VWF: variants seen among roughly 807,000 people sequenced by gnomAD.
The protein encoded by VWF is Factor VIII related antigen.
Under a neutral mutation model 308.6 loss-of-function variants are expected in VWF, and 176 were observed. The ratio of observed to expected loss-of-function variants is 0.57; its 90% CI spans 0.50 to 0.65. The LOEUF is 0.65. Ranked by LOEUF, VWF falls within the 30% of genes least tolerant of loss-of-function variation. The pLI is 0.00. For missense variants in VWF, 3,146 were observed against 3,648.2 expected (o/e 0.86, Z 3.55); for synonymous variants, 1,385 against 1,443.4 (o/e 0.96, Z 0.92).
chr12:5,982,027 C>A (rs1410963089), intron 41 of VWF, 36 bp from the exon 42 acceptor site: 2 of 1,597,738 alleles, frequency 1.3e-6, no homozygotes, highest in Admixed American at 1.7e-5. Flanking sequence ...AGCACTGCGC[C>A]CAGCCAGGGC....
chr12:6,053,879 G>A (rs56249131), intron 15 of VWF, among the ~76,000 whole-genome samples: 34,129 of 152,198 alleles, frequency 0.22, 4,121 homozygotes, highest in Non-Finnish European at 0.25. Context: ...AGGAAGGAGT[G>A]TTCCAGAGAA....
At chr12:5,963,954 T>A (rs1055798916) in intron 47 of VWF, among the ~76,000 whole-genome samples, 2 of 152,140 alleles carry the variant, frequency 1.3e-5, no homozygotes, top group African/African-American at 2.4e-5. Flanking sequence ...ACGCCTGTAA[T>A]CCCAGCACTT....
intron 10 of VWF, among the ~76,000 whole-genome samples, chr12:6,068,027 C>T (rs894891013): frequency 2.7e-5 from 4 of 150,036 alleles, no homozygotes; most frequent in Non-Finnish European, 4.4e-5. Flanking sequence ...CCCAGCTACT[C>T]GGGAGGCTGA....
At chr12:5,966,787 C>G (rs1241320638) in intron 47 of VWF, among the ~76,000 whole-genome samples, 1 of 152,206 alleles carries the variant, frequency 6.6e-6, no homozygotes, top group Non-Finnish European at 1.5e-5. Flanking sequence ...ACAGCAGAAG[C>G]CCCACATCCA....
chr12:6,022,083 C>A, intron 26 of VWF, 48 bp from the exon 27 acceptor site: 1 of 1,613,022 alleles, frequency 6.2e-7, no homozygotes, highest in Non-Finnish European at 8.5e-7. Context: ...CCCTTTCCCA[C>A]GAGGAAGCCT....
intron 38 of VWF, among the ~76,000 whole-genome samples, chr12:5,991,167 T>TCACA (rs201361783): frequency 0.072 from 9,769 of 134,848 alleles, 364 homozygotes; most frequent in African/African-American, 0.082. Flanking sequence ...CAAGGGATTC[T>TCACA]CACACACACA....
At chr12:6,123,699 A>T (rs1266706693) in intron 1 of VWF, among the ~76,000 whole-genome samples, 2 of 152,198 alleles carry the variant, frequency 1.3e-5, no homozygotes, top group African/African-American at 4.8e-5. Context: ...CCTTCACAAG[A>T]GCAAAGGCTG....
rs377151690 is a variant in VWF at position 6,044,336 on chromosome 12, G to A, written c.2397C>T (p.Cys799=). The A allele has an allele frequency of 6.2e-7, 1 of 1,614,200 alleles. No individual in the cohort carries two copies. Among genetic ancestry groups the A allele is most frequent in the East Asian group, 2.2e-5 (1 of 44,888 alleles). Residue 799 remains cysteine (C), a synonymous_variant, in exon 18 of 52, where the codon TGC becomes TGT. Transcript: ENST00000261405. ...TKTCQNYDLE[C]MSMGCVSGCL... ...AGCCAGAGACACAGCCCATGCTCAT[G>A]CACTCCAGGTCATAGTTCTGGCACG...
chr12:6,121,294 G>A lies in VWF; in HGVS notation c.100C>T (p.Arg34Ter), dbSNP rs61753984. The A allele has an allele frequency of 7.4e-6, 12 of 1,614,210 alleles. No individual in the cohort carries two copies. Among genetic ancestry groups the A allele is most frequent in the East Asian group, 2.2e-5 (1 of 44,882 alleles). ...EGTRGRSSTARCSLFGSDFVN... is the reference protein window; with the variant it reads ...EGTRGRSSTA The stretch of plus-strand genomic sequence containing the variant: ...AAGTCACTTCCGAAAAGGCTGCATC[G>A]GGCCGTGGATGACCTGCCGCGAGTT... Residue 34 changes from arginine (R) to a stop codon, truncating the protein, a stop_gained, in exon 3 of 52, where the codon CGA becomes TGA. Coordinates refer to ENST00000261405, the MANE Select transcript of VWF (RefSeq NM_000552.5). LOFTEE classifies it high-confidence loss of function.
In VWF at chr12:6,078,040, TATC is replaced by T. The variant is rs141890617; in HGVS notation, c.658-2492_658-2490del. Among the ~76,000 whole-genome samples the T allele has an allele frequency of 5.0e-3, 761 of 152,138 alleles. 8 individuals carry two copies. The highest frequency in any genetic ancestry group is 0.017 in the African/African-American group (703 of 41,488). Reference sequence around the variant, plus strand: ...ACTTACCTTAATAAATGATGACCCCTATCATCATCATCATCATCTTCATCATCT... The same window carrying T: ...ACTTACCTTAATAAATGATGACCCCTATCATCATCATCATCTTCATCATCT... On this transcript the variant is annotated intron_variant, in intron 6 of 51. Coordinates refer to ENST00000261405, the MANE Select transcript of VWF (RefSeq NM_000552.5).
rs913481743 is a variant in VWF at position 6,019,819 on chromosome 12, G to C, written c.3675-76C>G. On this transcript the variant is annotated intron_variant, in intron 27 of 51. Transcript: ENST00000261405. This position sits in a 1 kb window ranked among gnomAD's most constrained non-coding sequence, Gnocchi z 5.8. ...ACTTCTGAGCCCTACAGTGTACAATGACTTCCATATTCCCACAGAATCTCC... is the reference window on the plus strand; with the variant it reads ...ACTTCTGAGCCCTACAGTGTACAATCACTTCCATATTCCCACAGAATCTCC... 20 of 1,449,250 alleles carry C rather than the reference G, an allele frequency of 1.4e-5. No homozygotes were observed. The highest frequency in any genetic ancestry group is 1.8e-5 in the Non-Finnish European group (19 of 1,065,320). 89.8% of individuals were successfully genotyped at this position (1,449,250 alleles called of 1,614,324 possible).
chr12:5,983,434 G>GATAGATAGATAA (rs1943632548), intron 40 of VWF, among the ~76,000 whole-genome samples, 180 bp from the exon 41 acceptor site: 1 of 151,978 alleles, frequency 6.6e-6, no homozygotes, highest in Non-Finnish European at 1.5e-5. Context: ...TAGATAGATA[G>GATAGATAGATAA]AATGATAACT....
At chr12:5,979,710 A>C (rs1366454564) in intron 42 of VWF, among the ~76,000 whole-genome samples, 1 of 149,142 alleles carries the variant, frequency 6.7e-6, no homozygotes, top group African/African-American at 2.5e-5. Context: ...AGATCGTGCC[A>C]CTGCACTCCA....
intron 3 of VWF, among the ~76,000 whole-genome samples, chr12:6,116,220 G>C (rs933699770): frequency 6.6e-6 from 1 of 152,158 alleles, no homozygotes; most frequent in African/African-American, 2.4e-5. Flanking sequence ...CCCCAAAGAG[G>C]CAAGACAAGC....
At chr12:6,062,568 T>C (rs1843142657) in intron 13 of VWF, among the ~76,000 whole-genome samples, 1 of 151,876 alleles carries the variant, frequency 6.6e-6, no homozygotes, top group African/African-American at 2.4e-5. Flanking sequence ...CGGGCAGGCT[T>C]TCTCTTAGCT....
intron 42 of VWF, among the ~76,000 whole-genome samples, chr12:5,977,640 C>T (rs960050942): frequency 1.5e-4 from 23 of 151,826 alleles, no homozygotes; most frequent in Admixed American, 3.3e-4. Context: ...GAGGCTGAGG[C>T]GGGCAGATTG....
chr12:6,103,053 C>T (rs533317560), intron 5 of VWF, among the ~76,000 whole-genome samples: 100 of 152,240 alleles, frequency 6.6e-4, no homozygotes, highest in African/African-American at 2.1e-3. Context: ...ATCGGCCAGG[C>T]GTGGTGGCTC....
At chr12:6,029,656 G>A (rs1032415240) in intron 21 of VWF, among the ~76,000 whole-genome samples, 168 bp from the exon 22 acceptor site, 4 of 152,152 alleles carry the variant, frequency 2.6e-5, no homozygotes, top group Admixed American at 2.0e-4. Context: ...CCAGCCCCAC[G>A]CCAGGACATG....
intron 5 of VWF, among the ~76,000 whole-genome samples, chr12:6,102,511 C>T (rs755045747): frequency 3.9e-5 from 6 of 151,990 alleles, no homozygotes; most frequent in East Asian, 1.9e-4. Context: ...CCGAGGCAGG[C>T]GGATCACGAG....
Sources: allele counts gnomAD v4.1 joint callset (sites outside exome capture counted in the v4.1 genomes callset), GRCh38; gene constraint gnomAD v4.1.1; non-coding constraint Gnocchi (gnomAD v3.1); transcripts MANE v1.5; gene names NCBI Gene and HGNC (gene_info 2026-07-23, HGNC 2026-07-21).